The following MGAT5 variants were observed in gnomAD, a reference collection of about 807,000 sequenced individuals.
MGAT5 encodes alpha-1,6-mannosylglycoprotein 6-beta-N-acetylglucosaminyltransferase A.
A neutral mutation model predicts 94.3 loss-of-function variants in MGAT5; 30 were observed. That is an observed-to-expected ratio of 0.32 (90% CI 0.24 to 0.43). The LOEUF is 0.43. Among genes scored for constraint, MGAT5 ranks in the 20% least tolerant of loss-of-function variants. The pLI, the probability that MGAT5 is intolerant of heterozygous loss-of-function variation, is 1.00. For missense variants in MGAT5, 691 were observed against 905.5 expected, an observed-to-expected ratio of 0.76 and a Z score of 3.04; for synonymous variants, 310 against 322.9, an observed-to-expected ratio of 0.96 and a Z score of 0.43.
At chr2:134,197,320 A>G (rs1315535584) in intron 1 of MGAT5, among the ~76,000 whole-genome samples, 1 of 152,238 alleles carries the variant, frequency 6.6e-6, no homozygotes, top group East Asian at 1.9e-4. Flanking sequence ...GAGAAACAGC[A>G]TTAGCATTAC....
At chr2:134,338,191 C>A in intron 5 of MGAT5, 68 bp from the exon 6 acceptor site, 1 of 1,325,528 alleles carries the variant, frequency 7.5e-7, no homozygotes. Context: ...TCAGATGTCA[C>A]ATCATGAAAA....
intron 10 of MGAT5, among the ~76,000 whole-genome samples, chr2:134,390,989 C>G (rs1682369488): frequency 6.6e-6 from 1 of 152,124 alleles, no homozygotes; most frequent in Non-Finnish European, 1.5e-5. Flanking sequence ...TCTTGGACTC[C>G]TATTTCTTTT....
In MGAT5 at chr2:134,404,355, G is replaced by A. The variant is rs1260694645; in HGVS notation, c.1530+1218G>A. On this transcript the variant is annotated intron_variant, in intron 11 of 15. Coordinates refer to ENST00000281923, the MANE Select transcript of MGAT5 (RefSeq NM_002410.5). ...TTATGTGATACTTCATTTATAAAAAGTGTATTCACATATGCTATCCTCTTT... is the reference window on the plus strand; with the variant it reads ...TTATGTGATACTTCATTTATAAAAAATGTATTCACATATGCTATCCTCTTT... Among the ~76,000 whole-genome samples, 5 of 152,208 alleles carry A rather than the reference G, an allele frequency of 3.3e-5. No individual in the cohort carries two copies. The East Asian group carries it at 9.6e-4, about 29-fold the overall frequency.
chr2:134,163,573 G>A lies in MGAT5; in HGVS notation c.-143+43282G>A, dbSNP rs902183688. 5.9e-5 allele frequency among the ~76,000 whole-genome samples: 9 copies of A among 152,326 alleles called. No homozygotes were observed. In the East Asian group the frequency reaches 1.7e-3, roughly 29 times the overall value. On this transcript the variant is annotated intron_variant, in intron 1 of 16. Transcript: ENST00000409645. ...AAAAAGGCAGACATCTTACTGATGT[G>A]ATTGAGTTGGATGCTCAGAGGAGAG...
chr2:134,258,845 G>T (rs1683142869), intron 1 of MGAT5, among the ~76,000 whole-genome samples: 1 of 152,238 alleles, frequency 6.6e-6, no homozygotes, highest in South Asian at 2.1e-4. Context: ...GCACAAAACT[G>T]CTTTAAAGTG....
At chr2:134,377,020 A>G (rs1456947379) in intron 10 of MGAT5, among the ~76,000 whole-genome samples, 2 of 152,190 alleles carry the variant, frequency 1.3e-5, no homozygotes, top group Non-Finnish European at 2.9e-5. Context: ...CCTAGCTCAC[A>G]TTGTTGACAC....
chr2:134,149,954 C>T (rs1687097473), intron 1 of MGAT5, among the ~76,000 whole-genome samples: 1 of 152,188 alleles, frequency 6.6e-6, no homozygotes, highest in African/African-American at 2.4e-5. Context: ...GAGAGGGAGC[C>T]AGAGAGAAAT....
At chr2:134,421,382 G>A (rs1189190954) in intron 12 of MGAT5, among the ~76,000 whole-genome samples, 1 of 152,044 alleles carries the variant, frequency 6.6e-6, no homozygotes, top group African/African-American at 2.4e-5. Flanking sequence ...CCAGGAGTTC[G>A]AGACCAACCT....
rs761409612 is a variant in MGAT5 at position 134,441,922 on chromosome 2, G to C, written c.2027+7G>C. ...AGGACAAGGACATGCTGAAGTAAGT[G>C]CCCTGGGGTGGGGGTGGGGACTCAG... On this transcript the variant is annotated splice_region_variant and intron_variant, in intron 15 of 15. Transcript: ENST00000281923. The C allele has an allele frequency of 8.1e-6, 13 of 1,611,026 alleles. No individual in the cohort carries two copies. The East Asian group carries it at 2.7e-4, about 33-fold the overall frequency.
chr2:134,274,394 C>T (rs1684217852), intron 2 of MGAT5, among the ~76,000 whole-genome samples: 1 of 152,182 alleles, frequency 6.6e-6, no homozygotes, highest in Non-Finnish European at 1.5e-5. Context: ...CCTTAGCAGA[C>T]ACCGCCTAAG....
intron 10 of MGAT5, among the ~76,000 whole-genome samples, chr2:134,397,642 A>T (rs1219448620): frequency 1.3e-5 from 2 of 152,190 alleles, no homozygotes; most frequent in Admixed American, 6.5e-5. Context: ...ATCCCATGGT[A>T]AGCTTATTCC....
At chr2:134,295,544 T>C (rs1265339424) in intron 2 of MGAT5, among the ~76,000 whole-genome samples, 2 of 152,220 alleles carry the variant, frequency 1.3e-5, no homozygotes, top group Non-Finnish European at 2.9e-5. Context: ...GTAGGGAGTT[T>C]TGTTGTCACT....
intron 1 of MGAT5, among the ~76,000 whole-genome samples, chr2:134,225,910 T>G (rs1251839059): frequency 6.6e-6 from 1 of 152,242 alleles, no homozygotes; most frequent in Non-Finnish European, 1.5e-5. Flanking sequence ...AAAGACAGTT[T>G]TAGAGCTTTA....
At chr2:134,363,699 C>G (rs1680244550) in intron 10 of MGAT5, among the ~76,000 whole-genome samples, 2 of 152,200 alleles carry the variant, frequency 1.3e-5, no homozygotes, top group African/African-American at 4.8e-5. Flanking sequence ...GTGGAAAACC[C>G]TCGGCTGGTA....
At chr2:134,305,669 A>T (rs1376202931) in intron 2 of MGAT5, among the ~76,000 whole-genome samples, 1 of 152,200 alleles carries the variant, frequency 6.6e-6, no homozygotes, top group Non-Finnish European at 1.5e-5. Context: ...CTGTTTTAGA[A>T]GAAAAATCAA....
chr2:134,198,266 G>A (rs1422427980), intron 1 of MGAT5, among the ~76,000 whole-genome samples: 1 of 152,278 alleles, frequency 6.6e-6, no homozygotes. Context: ...CCTGAACTTT[G>A]CCATCATAGG....
At chr2:134,152,639 G>A (rs977486493) in intron 1 of MGAT5, among the ~76,000 whole-genome samples, 1 of 152,214 alleles carries the variant, frequency 6.6e-6, no homozygotes, top group African/African-American at 2.4e-5. Context: ...TGAACTATCT[G>A]TTGAAAAAAT....
intron 1 of MGAT5, among the ~76,000 whole-genome samples, chr2:134,180,374 C>T (rs1688676618): frequency 6.6e-6 from 1 of 152,194 alleles, no homozygotes; most frequent in Non-Finnish European, 1.5e-5. Context: ...AACTCTAGGG[C>T]TATTTTTAAT....
At position 134,189,602 on chromosome 2, in the gene MGAT5, G is replaced by GTTTTTTTTTTTTTTTTTTTTTTTTTTTT. The variant is rs912983981; in HGVS notation, c.-142-64642_-142-64641insTTTTTTTTTTTTTTTTTTTTTTTTTTTT. Reference sequence around the variant, plus strand: ...AACCTCATGGCTCTAGTTTTTTTTTGTTTTTTTTTTTTTTTTTTAAGACAG... The same window carrying GTTTTTTTTTTTTTTTTTTTTTTTTTTTT: ...AACCTCATGGCTCTAGTTTTTTTTTGTTTTTTTTTTTTTTTTTTTTTTTTTTTTTTTTTTTTTTTTTTTTTTAAGACAG... On this transcript the variant is annotated intron_variant, in intron 1 of 16. Transcript: ENST00000409645. 4.2e-3 allele frequency among the ~76,000 whole-genome samples: 358 copies of GTTTTTTTTTTTTTTTTTTTTTTTTTTTT among 84,622 alleles called. 45 individuals are homozygous for GTTTTTTTTTTTTTTTTTTTTTTTTTTTT. Among genetic ancestry groups the GTTTTTTTTTTTTTTTTTTTTTTTTTTTT allele is most frequent in the Middle Eastern group, 8.3e-3 (1 of 120 alleles). 55.5% of individuals were successfully genotyped at this position (84,622 alleles called of 152,430 possible).
Sources: allele counts gnomAD v4.1 joint callset (sites outside exome capture counted in the v4.1 genomes callset), GRCh38; gene constraint gnomAD v4.1.1; transcripts MANE v1.5; gene names NCBI Gene and HGNC (gene_info 2026-07-23, HGNC 2026-07-21).